The following PPP1CC variants were observed in gnomAD, a reference collection of about 807,000 sequenced individuals.
PPP1CC encodes the protein protein phosphatase 1 catalytic subunit gamma.
Under a neutral mutation model 38.4 loss-of-function variants are expected in PPP1CC, and 16 were observed. The observed-to-expected ratio is 0.42, with a 90% CI of 0.28 to 0.63. The LOEUF (loss-of-function observed/expected upper bound fraction) is 0.63, where lower values mean the gene tolerates loss of function less well. Ranked by LOEUF, PPP1CC falls within the 30% of genes least tolerant of loss-of-function variation. The pLI, the probability that PPP1CC is intolerant of heterozygous loss-of-function variation, is 0.25. For missense variants in PPP1CC, 170 were observed against 391.3 expected (o/e 0.43, Z 4.77); for synonymous variants, 158 against 136.0 (o/e 1.16, Z -1.13).
At position 110,742,814 on chromosome 12, in the gene PPP1CC, G is replaced by A; in HGVS notation, c.-107C>T. 3.2e-6 allele frequency: 3 copies of A among 940,010 alleles called. No individual in the cohort carries two copies. Among genetic ancestry groups the A allele is most frequent in the Non-Finnish European group, 4.3e-6 (3 of 702,556 alleles). The allele number at this position is 940,010 out of a possible 1,614,324, so 58.2% of individuals were successfully genotyped here. A position where few individuals can be genotyped will look rare whatever the true frequency, so the allele number is the denominator to read the frequency against. On this transcript the variant is annotated 5_prime_UTR_variant, in exon 1 of 7. Transcript: ENST00000335007. ...AGCAGAGGCGGTGGTGGCGGCGGTG[G>A]CAGCAGCCGCGGCGGGTCCCCCCCC...
At chr12:110,741,168 T>A (rs2070012754) in intron 1 of PPP1CC, among the ~76,000 whole-genome samples, 1 of 151,528 alleles carries the variant, frequency 6.6e-6, no homozygotes, top group African/African-American at 2.4e-5. Flanking sequence ...TCAGGGGTCC[T>A]TAATGACATT....
At chr12:110,712,891 G>A in the PPP1CC span, among the ~76,000 whole-genome samples, 3 of 151,900 alleles carry the variant, frequency 2.0e-5, no homozygotes, top group Admixed American at 1.3e-4. Flanking sequence ...GGCCAACATG[G>A]AGAAACCCCA....
rs112574179 is a variant in PPP1CC, at chr12:110,735,768, AAG to A, written c.56-3869_56-3868del. On this transcript the variant is annotated intron_variant, in intron 1 of 6. Transcript: ENST00000335007. ...CTGCACTCCATCCTGGGCAACAAGAAAGAAACTCCGTCTCGGCCAGGCACGGT... is the reference window on the plus strand; with the variant it reads ...CTGCACTCCATCCTGGGCAACAAGAAAAACTCCGTCTCGGCCAGGCACGGT... 1.5e-3 allele frequency among the ~76,000 whole-genome samples: 221 copies of A among 151,392 alleles called. 1 individual carries two copies. The highest frequency in any genetic ancestry group is 5.0e-3 in the African/African-American group (207 of 41,216).
downstream of PPP1CC, among the ~76,000 whole-genome samples, chr12:110,717,978 C>A (rs191613300): frequency 6.6e-6 from 1 of 152,146 alleles, no homozygotes; most frequent in Non-Finnish European, 1.5e-5. Context: ...CTTCACTTCC[C>A]AGCAAACTGA....
At chr12:110,719,052 T>C (rs916755067), downstream of PPP1CC, among the ~76,000 whole-genome samples, 5 of 152,192 alleles carry the variant, frequency 3.3e-5, 1 homozygote, top group South Asian at 2.1e-4. Context: ...AATTTTACTT[T>C]ATAGCATTTT....
At chr12:110,736,730 C>T (rs1313359481) in intron 1 of PPP1CC, among the ~76,000 whole-genome samples, 1 of 152,164 alleles carries the variant, frequency 6.6e-6, no homozygotes, top group Non-Finnish European at 1.5e-5. Context: ...TGAAAGTTAG[C>T]TGCTGGCAAA....
At position 110,722,468 on chromosome 12, in the gene PPP1CC, A is replaced by T; in HGVS notation, c.747+4T>A. The stretch of plus-strand genomic sequence containing the variant: ...AGTGTACATGTAAAATTCAAAATCA[A>T]TACCTGATGGGCTCTACATATAAGA... On this transcript the variant is annotated splice_donor_region_variant and intron_variant, in intron 5 of 6. Transcript: ENST00000335007. The surrounding 1 kb of genome is among the most constrained non-coding windows in gnomAD (Gnocchi z 5.4). 5.0e-6 allele frequency: 8 copies of T among 1,612,386 alleles called. No homozygotes were observed. Among genetic ancestry groups the T allele is most frequent in the Non-Finnish European group, 2.5e-6 (3 of 1,178,402 alleles).
chr12:110,712,069 A>C, the PPP1CC span, among the ~76,000 whole-genome samples: 1 of 152,004 alleles, frequency 6.6e-6, no homozygotes, highest in Non-Finnish European at 1.5e-5. Flanking sequence ...TTTTCTATAT[A>C]TTTATATATG....
intron 3 of PPP1CC, among the ~76,000 whole-genome samples, chr12:110,726,846 C>T (rs906752933): frequency 2.6e-5 from 4 of 152,186 alleles, no homozygotes; most frequent in South Asian, 2.1e-4. Flanking sequence ...CAAGCATTCC[C>T]GGTAAGGAAT....
downstream of PPP1CC, among the ~76,000 whole-genome samples, chr12:110,715,503 T>C (rs2069680517): frequency 6.6e-6 from 1 of 151,794 alleles, no homozygotes; most frequent in Admixed American, 6.6e-5. Context: ...TGTATTATTA[T>C]ATTTTTAATA....
In PPP1CC at chr12:110,720,052, G is replaced by A. The variant is rs1593570496; in HGVS notation, c.*1024C>T. Reference sequence around the variant, plus strand: ...TGAGTTCTGTATAAACTGGTGGACAGTAAGTTAGTTCCTTTGTTTTAACTT... The same window carrying A: ...TGAGTTCTGTATAAACTGGTGGACAATAAGTTAGTTCCTTTGTTTTAACTT... On this transcript the variant is annotated 3_prime_UTR_variant, in exon 7 of 7. Transcript: ENST00000335007. The A allele has an allele frequency of 8.0e-7, 1 of 1,242,444 alleles. No individual in the cohort carries two copies. The highest frequency in any genetic ancestry group is 1.3e-5 in the South Asian group (1 of 74,082). The allele number at this position is 1,242,444 out of a possible 1,614,324, so 77.0% of individuals were successfully genotyped here.
the PPP1CC span, among the ~76,000 whole-genome samples, chr12:110,713,312 T>G: frequency 1.3e-5 from 2 of 152,014 alleles, no homozygotes; most frequent in Non-Finnish European, 2.9e-5. Flanking sequence ...ATTTTGCATT[T>G]TAGTAGAGAT....
chr12:110,738,924 G>C (rs991718185), intron 1 of PPP1CC, among the ~76,000 whole-genome samples: 4 of 152,214 alleles, frequency 2.6e-5, no homozygotes, highest in African/African-American at 9.6e-5. Context: ...CCAACATACT[G>C]ATGGGAAAGG....
At chr12:110,737,623 CAGAT>C (rs1185131182) in intron 1 of PPP1CC, among the ~76,000 whole-genome samples, 2 of 151,410 alleles carry the variant, frequency 1.3e-5, no homozygotes, top group Non-Finnish European at 2.9e-5. Context: ...ATTTTCCTAA[CAGAT>C]GGGGTTACAC....
In PPP1CC at chr12:110,742,757, C is replaced by T. The variant is rs770917540; in HGVS notation, c.-50G>A. ...GCAGCGGCGCCGCCGCCGGCTCGCG[C>T]CCGGGACTCACACCTCCTTTCCCAC... On this transcript the variant is annotated 5_prime_UTR_variant, in exon 1 of 7. Coordinates refer to ENST00000335007, the MANE Select transcript of PPP1CC (RefSeq NM_002710.4). 8.9e-6 allele frequency: 12 copies of T among 1,349,090 alleles called. No homozygotes were observed. The highest frequency in any genetic ancestry group is 1.2e-5 in the Non-Finnish European group (12 of 1,035,554). The allele number at this position is 1,349,090 out of a possible 1,614,324, so 83.6% of individuals were successfully genotyped here.
At chr12:110,723,761 T>C (rs1357766697) in intron 4 of PPP1CC, among the ~76,000 whole-genome samples, 1 of 152,174 alleles carries the variant, frequency 6.6e-6, no homozygotes, top group East Asian at 1.9e-4. Context: ...CCTCCTGGCT[T>C]GGCCTCTCCA....
At chr12:110,721,572 C>T in intron 6 of PPP1CC, 1 of 171,272 alleles carries the variant, frequency 5.8e-6, no homozygotes, top group Non-Finnish European at 1.2e-5. Flanking sequence ...TATTTTAATT[C>T]ATTTAACTGA....
At position 110,720,132 on chromosome 12, in the gene PPP1CC, G is replaced by A. The variant is rs1235085640; in HGVS notation, c.*944C>T. 6 of 1,548,016 alleles carry A rather than the reference G, an allele frequency of 3.9e-6. No individual in the cohort carries two copies. The highest frequency in any genetic ancestry group is 1.4e-5 in the African/African-American group (1 of 73,734). On this transcript the variant is annotated 3_prime_UTR_variant, in exon 7 of 7. Coordinates refer to ENST00000335007, the MANE Select transcript of PPP1CC (RefSeq NM_002710.4). ...AATGTAGGCCAAAGAAAGCATAATCGGTCACTCGTATAGAACAGTATTGTT... is the reference window on the plus strand; with the variant it reads ...AATGTAGGCCAAAGAAAGCATAATCAGTCACTCGTATAGAACAGTATTGTT...
intron 1 of PPP1CC, among the ~76,000 whole-genome samples, chr12:110,738,576 C>T (rs2069974662): frequency 6.6e-6 from 1 of 152,192 alleles, no homozygotes; most frequent in South Asian, 2.1e-4. Flanking sequence ...TAGGACTGTG[C>T]TTTCAAAGAC....
Sources: gnomAD v4.1 joint callset for allele counts (sites outside exome capture counted in the v4.1 genomes callset) on GRCh38, gnomAD v4.1.1 for gene constraint, Gnocchi (gnomAD v3.1) non-coding constraint, MANE v1.5 for transcripts, NCBI Gene and HGNC (gene_info 2026-07-23, HGNC 2026-07-21) for gene names.